The following NDRG2 variants were observed in gnomAD, a reference collection of about 807,000 sequenced individuals.
NDRG2 encodes NDRG family member 2, also known as protein NDRG2.
NDRG2 carries 34 observed loss-of-function variants against 58.2 expected under a neutral mutation model. The ratio of observed to expected loss-of-function variants is 0.58; its 90% confidence interval spans 0.44 to 0.78. NDRG2 has a LOEUF of 0.78. Among genes scored for constraint, NDRG2 ranks in the 30% least tolerant of loss-of-function variants. NDRG2 has a pLI of 0.00. For synonymous variants in NDRG2, 187 were observed against 175.9 expected, an observed-to-expected ratio of 1.06 and a Z score of -0.50; for missense variants, 434 against 471.2, an observed-to-expected ratio of 0.92 and a Z score of 0.73.
upstream of NDRG2, among the ~76,000 whole-genome samples, chr14:21,028,254 T>G (rs553547251): frequency 6.6e-5 from 10 of 151,910 alleles, no homozygotes; most frequent in African/African-American, 2.4e-4. Flanking sequence ...TTGTTTTGTT[T>G]TGTTTTGTTT....
chr14:21,020,705 C>T, intron 7 of NDRG2, 79 bp downstream of exon 7: 6 of 1,596,792 alleles, frequency 3.8e-6, no homozygotes, highest in Non-Finnish European at 5.2e-6. Flanking sequence ...CACTTCCTCC[C>T]CCAAACAGCA....
At chr14:21,050,828 C>G (rs2139135215) in intron 1 of NDRG2, among the ~76,000 whole-genome samples, 1 of 152,210 alleles carries the variant, frequency 6.6e-6, no homozygotes, top group African/African-American at 2.4e-5. Context: ...GGGTAATGAG[C>G]ATCATGTCTG....
At chr14:21,052,933 C>G (rs1885529292) in intron 1 of NDRG2, among the ~76,000 whole-genome samples, 1 of 152,090 alleles carries the variant, frequency 6.6e-6, no homozygotes, top group Non-Finnish European at 1.5e-5. Context: ...ACTCAAGTGC[C>G]CCTCCATACT....
upstream of NDRG2, among the ~76,000 whole-genome samples, chr14:21,026,783 T>G (rs1361041291): frequency 6.6e-6 from 1 of 152,086 alleles, no homozygotes; most frequent in Non-Finnish European, 1.5e-5. Flanking sequence ...GCACAGAAGC[T>G]GGGCACCCTG....
chr14:21,043,185 T>C, intron 1 of NDRG2: 2 of 1,614,016 alleles, frequency 1.2e-6, no homozygotes, highest in South Asian at 1.1e-5. Context: ...CACAAAACGG[T>C]GCAAAGACCT....
upstream of NDRG2, among the ~76,000 whole-genome samples, chr14:21,027,496 T>C (rs2139062559): frequency 6.6e-6 from 1 of 152,320 alleles, no homozygotes; most frequent in East Asian, 1.9e-4. Context: ...ATTTGGACAG[T>C]AAGTCCTATA....
Position 21,068,154 on chromosome 14 carries a change from C to T in NDRG2, c.24+2674G>A, listed in dbSNP as rs374294811. Among the ~76,000 whole-genome samples the T allele has an allele frequency of 4.8e-3, 237 of 49,294 alleles. 87 individuals are homozygous for T. In the South Asian group the frequency reaches 0.13, roughly 27 times the overall value. 32.3% of individuals were successfully genotyped at this position (49,294 alleles called of 152,430 possible). A position where few individuals can be genotyped will look rare whatever the true frequency, so the allele number is the denominator to read the frequency against. ...AGCTGGGACTACAGGCGCCCGCTAC[C>T]ACGCCCGGCTAATTTTTTGTATTTT... is the stretch of plus-strand genomic sequence containing the variant. On this transcript the variant is annotated intron_variant, in intron 1 of 14. Transcript: ENST00000403829.
Position 21,024,422 on chromosome 14 carries a change from G to A in NDRG2, c.-399C>T. On this transcript the variant is annotated 5_prime_UTR_variant, in exon 1 of 16. Coordinates refer to ENST00000556147, the MANE Select transcript of NDRG2 (RefSeq NM_001320329.2). ...TCCCAGTGTGACCTTGCCCCAGTTA[G>A]TTACTACATTTGGCCTCAATTTTCT... 4.4e-6 allele frequency: 4 copies of A among 912,448 alleles called. No homozygotes were observed. Among genetic ancestry groups the A allele is most frequent in the Non-Finnish European group, 5.2e-6 (4 of 763,524 alleles). The allele number at this position is 912,448 out of a possible 1,614,324, so 56.5% of individuals were successfully genotyped here. A position where few individuals can be genotyped will look rare whatever the true frequency, so the allele number is the denominator to read the frequency against.
rs114377321 is a variant in NDRG2, at chr14:21,043,618, C to G, written c.25-20297G>C. ...AGGCTGAAGCTGACACTCTGGTGAGCTGAGCTCTAGAGGGATGGCTTTTCA... is the reference window on the plus strand; with the variant it reads ...AGGCTGAAGCTGACACTCTGGTGAGGTGAGCTCTAGAGGGATGGCTTTTCA... On this transcript the variant is annotated intron_variant, in intron 1 of 14. Transcript: ENST00000403829. 2.0e-3 allele frequency: 1,257 copies of G among 629,584 alleles called. 5 individuals carry two copies. In the African/African-American group the frequency reaches 0.021, roughly 10 times the overall value. 39.0% of individuals were successfully genotyped at this position (629,584 alleles called of 1,614,324 possible).
rs1566474903 is a variant in NDRG2, at chr14:21,024,124, G to A, written c.-101C>T. ...GAGAAAACACAGCAACGAGGTGAAT[G>A]ACATGGGAGACAGACCTGGGGTCTT... is the stretch of plus-strand genomic sequence containing the variant. On this transcript the variant is annotated 5_prime_UTR_variant, in exon 1 of 16. Transcript: ENST00000556147. The A allele has an allele frequency of 2.0e-6, 2 of 985,456 alleles. No homozygotes were observed. Among genetic ancestry groups the A allele is most frequent in the Non-Finnish European group, 2.4e-6 (2 of 829,974 alleles). 61.0% of individuals were successfully genotyped at this position (985,456 alleles called of 1,614,324 possible). A position where few individuals can be genotyped will look rare whatever the true frequency, so the allele number is the denominator to read the frequency against.
At chr14:21,033,870 C>A (rs143881017) in intron 1 of NDRG2, 8 of 1,613,988 alleles carry the variant, frequency 5.0e-6, no homozygotes, top group South Asian at 1.1e-5. Context: ...TTCATACTTG[C>A]GGGAGCAGAG....
chr14:21,043,388 G>A, intron 1 of NDRG2: 1 of 1,613,922 alleles, frequency 6.2e-7, no homozygotes, highest in Non-Finnish European at 8.5e-7. Context: ...CTTACGTAGT[G>A]GCCTGTAAGC....
chr14:21,056,525 G>T (rs1250869101), intron 1 of NDRG2, among the ~76,000 whole-genome samples: 1 of 152,158 alleles, frequency 6.6e-6, no homozygotes, highest in Non-Finnish European at 1.5e-5. Flanking sequence ...AAAAGGAGGA[G>T]AAACAAACAC....
Position 21,023,181 on chromosome 14 carries a change from G to A in NDRG2, c.75+60C>T. On this transcript the variant is annotated intron_variant, in intron 2 of 15. Transcript: ENST00000556147. ...ATCAGTACGCTTGGGAAGTTAGAAGGCAAGGGGGATGCTTAGAGGTCTGGA... is the reference window on the plus strand; with the variant it reads ...ATCAGTACGCTTGGGAAGTTAGAAGACAAGGGGGATGCTTAGAGGTCTGGA... 3 of 1,421,476 alleles carry A rather than the reference G, an allele frequency of 2.1e-6. No homozygotes were observed. The East Asian group carries it at 6.9e-5, about 33-fold the overall frequency. 88.1% of individuals were successfully genotyped at this position (1,421,476 alleles called of 1,614,324 possible).
At chr14:21,022,769 G>T in intron 3 of NDRG2, 95 bp downstream of exon 3, 1 of 1,254,342 alleles carries the variant, frequency 8.0e-7, no homozygotes, top group Non-Finnish European at 1.1e-6. Flanking sequence ...AGGAAAGAAA[G>T]CAAAGAGAGA....
chr14:21,062,042 GA>G (rs1335460967), intron 1 of NDRG2, among the ~76,000 whole-genome samples: 1 of 152,158 alleles, frequency 6.6e-6, no homozygotes, highest in African/African-American at 2.4e-5. Context: ...AATAGTCGGT[GA>G]ATACAATTCT....
chr14:21,038,103 T>A (rs1884733677), intron 1 of NDRG2, among the ~76,000 whole-genome samples: 1 of 152,168 alleles, frequency 6.6e-6, no homozygotes, highest in Admixed American at 6.5e-5. Context: ...GCCTCAGCCA[T>A]CTCAACCTTC....
intron 1 of NDRG2, among the ~76,000 whole-genome samples, chr14:21,053,371 T>C (rs1885549760): frequency 6.6e-6 from 1 of 152,100 alleles, no homozygotes; most frequent in Non-Finnish European, 1.5e-5. Flanking sequence ...CTGACACCTG[T>C]CATCCCAGCA....
chr14:21,021,117 C>G (rs1196559838), intron 6 of NDRG2: 2 of 610,950 alleles, frequency 3.3e-6, no homozygotes, highest in Non-Finnish European at 6.1e-6. Flanking sequence ...AACCAACACA[C>G]TGTTTTCCCA....
Sources: gnomAD v4.1 joint callset for allele counts (sites outside exome capture counted in the v4.1 genomes callset) on GRCh38, gnomAD v4.1.1 for gene constraint, MANE v1.5 for transcripts, NCBI Gene and HGNC (gene_info 2026-07-23, HGNC 2026-07-21) for gene names.